ZNF814: variants seen among roughly 807,000 people sequenced by gnomAD.
The protein encoded by ZNF814 is zinc finger protein 814.
Under a neutral mutation model 7.5 loss-of-function variants are expected in ZNF814, and 5 were observed. That is an observed-to-expected ratio of 0.67 (90% CI 0.35 to 1.40). ZNF814 has a LOEUF of 1.40. ZNF814 is among the 40% of genes most tolerant of loss of function. ZNF814 has a pLI of 0.04. For synonymous variants in ZNF814, 315 were observed against 340.7 expected (o/e 0.92, Z 0.83); for missense variants, 962 against 1,018.0 (o/e 0.94, Z 0.75).
chr19:57,901,417 A>G, the ZNF814 span, among the ~76,000 whole-genome samples: 2 of 152,220 alleles, frequency 1.3e-5, no homozygotes, highest in South Asian at 2.1e-4. Flanking sequence ...CAAGATATAC[A>G]GTGGAGGGAT....
chr19:57,888,940 G>GCTGCACA lies in ZNF814; in HGVS notation c.-139_-138insTGTGCAG. ...AGCTCCAGAGTAGCCTCTGTGCAGC[G>GCTGCACA]GAGGACAACTGCTCCCCGACTTCTG... On this transcript the variant is annotated 5_prime_UTR_variant, in exon 1 of 3. Transcript: ENST00000435989. The GCTGCACA allele has an allele frequency of 1.1e-6, 1 of 899,590 alleles. No individual in the cohort carries two copies. Among genetic ancestry groups the GCTGCACA allele is most frequent in the Non-Finnish European group, 1.7e-6 (1 of 583,994 alleles). 55.7% of individuals were successfully genotyped at this position (899,590 alleles called of 1,614,324 possible). A position where few individuals can be genotyped will look rare whatever the true frequency, so the allele number is the denominator to read the frequency against.
intron 1 of ZNF814, among the ~76,000 whole-genome samples, chr19:57,888,014 A>C (rs529960285): frequency 6.6e-6 from 1 of 152,254 alleles, no homozygotes; most frequent in South Asian, 2.1e-4. Context: ...TCCTAAACCA[A>C]AGTATAAAAG....
chr19:57,888,948 A>G lies in ZNF814; in HGVS notation c.-146T>C. The stretch of plus-strand genomic sequence containing the variant: ...AGTAGCCTCTGTGCAGCGGAGGACA[A>G]CTGCTCCCCGACTTCTGGGTTCAGT... On this transcript the variant is annotated 5_prime_UTR_variant, in exon 1 of 3. Coordinates refer to ENST00000435989, the MANE Select transcript of ZNF814 (RefSeq NM_001144989.2). 1.2e-6 allele frequency: 1 copy of G among 830,156 alleles called. No individual in the cohort carries two copies. The allele number at this position is 830,156 out of a possible 1,614,324, so 51.4% of individuals were successfully genotyped here. A position where few individuals can be genotyped will look rare whatever the true frequency, so the allele number is the denominator to read the frequency against.
At chr19:57,894,059 G>A (rs2122484578), upstream of ZNF814, among the ~76,000 whole-genome samples, 1 of 151,546 alleles carries the variant, frequency 6.6e-6, no homozygotes, top group African/African-American at 2.4e-5. Context: ...CTCCAGCCTG[G>A]GTGACAGAGC....
chr19:57,897,655 T>G, the ZNF814 span, among the ~76,000 whole-genome samples: 1 of 152,188 alleles, frequency 6.6e-6, no homozygotes, highest in African/African-American at 2.4e-5. Context: ...AGTGCTGCCA[T>G]GTATCTCTGC....
In ZNF814 at chr19:57,873,924, T is replaced by G. The variant is rs779479859; in HGVS notation, c.1466A>C (p.Glu489Ala). The change falls in exon 3 of 3, where the codon GAA becomes GCA. Residue 489 changes from glutamate (E) to alanine (A), a missense_variant. Physicochemically the swap from Glu to Ala is moderately radical, Grantham distance 107. This residue lies in a region of ZNF814 where 665 missense variants were observed against 551.4 expected (regional missense o/e 1.21). Coordinates refer to ENST00000435989, the MANE Select transcript of ZNF814 (RefSeq NM_001144989.2). ...ACATTCTCCACACTGATAAGGTCTT[T>G]CTCCACTGTGAACTCGCTGATGGTG... ...LVHHQRVHSG[E>A]RPYQCGECGK... The G allele has an allele frequency of 6.2e-7, 1 of 1,613,828 alleles. No individual in the cohort carries two copies. Among genetic ancestry groups the G allele is most frequent in the Admixed American group, 1.7e-5 (1 of 59,932 alleles).
chr19:57,891,569 A>G (rs565866786), upstream of ZNF814, among the ~76,000 whole-genome samples: 1 of 145,734 alleles, frequency 6.9e-6, no homozygotes, highest in South Asian at 2.2e-4. Context: ...ATGGGCAGCC[A>G]TGCCAGGCAT....
At chr19:57,887,677 A>C (rs2071703914) in intron 1 of ZNF814, among the ~76,000 whole-genome samples, 1 of 151,414 alleles carries the variant, frequency 6.6e-6, no homozygotes, top group Non-Finnish European at 1.5e-5. Flanking sequence ...CTCCTTACCC[A>C]CCCCCCTTTC....
chr19:57,887,574 A>T (rs1600140980), intron 1 of ZNF814, among the ~76,000 whole-genome samples: 1 of 152,020 alleles, frequency 6.6e-6, no homozygotes, highest in African/African-American at 2.4e-5. Flanking sequence ...TCTCTTAATC[A>T]CCTAGCCTCG....
chr19:57,903,958 G>C, the ZNF814 span, among the ~76,000 whole-genome samples: 1 of 152,244 alleles, frequency 6.6e-6, no homozygotes, highest in African/African-American at 2.4e-5. Flanking sequence ...ATGACCTTTG[G>C]AACACCAAAC....
chr19:57,902,806 G>A, the ZNF814 span, among the ~76,000 whole-genome samples: 6,761 of 151,648 alleles, frequency 0.045, 504 homozygotes, highest in African/African-American at 0.15. Flanking sequence ...GACTACAGGC[G>A]CCCACCACCA....
the ZNF814 span, among the ~76,000 whole-genome samples, chr19:57,897,503 C>T: frequency 6.6e-6 from 1 of 152,310 alleles, no homozygotes; most frequent in South Asian, 2.1e-4. Flanking sequence ...AAGACAGTGT[C>T]ATTCTAAATT....
In ZNF814 at chr19:57,879,811, G is replaced by A. The variant is rs944290012; in HGVS notation, c.37-2769C>T. 1.6e-5 allele frequency among the ~76,000 whole-genome samples: 2 copies of A among 127,180 alleles called. 1 individual carries two copies. Among genetic ancestry groups the A allele is most frequent in the Non-Finnish European group, 3.4e-5 (2 of 59,694 alleles). 83.4% of individuals were successfully genotyped at this position (127,180 alleles called of 152,430 possible). On this transcript the variant is annotated intron_variant, in intron 1 of 2. Transcript: ENST00000435989. ...TGCTAAGGCCAAAAACCCTAGGGTT[G>A]CCAGGCACGGTGGCTCGAGTCTGTA...
chr19:57,873,005 A>C lies in ZNF814; in HGVS notation c.2385T>G (p.Thr795=), dbSNP rs2071569227. The C allele has an allele frequency of 1.9e-6, 3 of 1,613,958 alleles. No individual in the cohort carries two copies. Among genetic ancestry groups the C allele is most frequent in the East Asian group, 2.2e-5 (1 of 44,882 alleles). ...CACTGCACTCATAAGGCTTTTCTCC[A>C]GTGTGAACTCTTTTGTGTTTTGTGA... ...SSFTKHKRVH[T]GEKPYECSEC... is the part of the protein sequence containing the mutation. The change falls in exon 3 of 3, where the codon ACT becomes ACG. Residue 795 remains threonine, a synonymous_variant. Coordinates refer to ENST00000435989, the MANE Select transcript of ZNF814 (RefSeq NM_001144989.2).
intron 1 of ZNF814, among the ~76,000 whole-genome samples, chr19:57,884,683 C>T (rs2071675019): frequency 6.6e-6 from 1 of 152,124 alleles, no homozygotes; most frequent in South Asian, 2.1e-4. Flanking sequence ...TGCTCAACAT[C>T]ACTGGTCATA....
In ZNF814 at chr19:57,874,746, C is replaced by A; in HGVS notation, c.644G>T (p.Ser215Ile). ...SPIQCGGAHY[S>I]CGESMKHFST... Reference sequence around the variant, plus strand: ...AAAATGTTTCATGGATTCTCCACAGCTGTAGTGAGCTCCCCCACACTGAAT... The same window carrying A: ...AAAATGTTTCATGGATTCTCCACAGATGTAGTGAGCTCCCCCACACTGAAT... Residue 215 changes from serine to isoleucine, a missense_variant, in exon 3 of 3, where the codon AGC (serine) becomes ATC (isoleucine). By Grantham distance (142) the Ser-to-Ile change is moderately radical. Coordinates refer to ENST00000435989, the MANE Select transcript of ZNF814 (RefSeq NM_001144989.2). 3 of 1,612,158 alleles carry A rather than the reference C, an allele frequency of 1.9e-6. No individual in the cohort carries two copies. In the South Asian group the frequency reaches 3.3e-5, roughly 18 times the overall value.
chr19:57,894,209 C>A, the ZNF814 span, among the ~76,000 whole-genome samples: 1 of 151,012 alleles, frequency 6.6e-6, no homozygotes, highest in African/African-American at 2.4e-5. Context: ...CCCGTCTCTA[C>A]TAAAAATACA....
chr19:57,899,464 C>T, the ZNF814 span, among the ~76,000 whole-genome samples: 1 of 152,080 alleles, frequency 6.6e-6, no homozygotes, highest in Non-Finnish European at 1.5e-5. Context: ...TACTAAGTCT[C>T]GAAAGGTTCA....
At chr19:57,893,789 G>A (rs1426269195), upstream of ZNF814, among the ~76,000 whole-genome samples, 1 of 151,740 alleles carries the variant, frequency 6.6e-6, no homozygotes, top group African/African-American at 2.4e-5. Flanking sequence ...GTGTGGTGGT[G>A]CATGCATGTA....
Sources: gnomAD v4.1 joint callset for allele counts (sites outside exome capture counted in the v4.1 genomes callset) on GRCh38, gnomAD v4.1.1 for gene constraint, gnomAD v4.1.1 regional missense constraint, MANE v1.5 for transcripts, NCBI Gene and HGNC (gene_info 2026-07-23, HGNC 2026-07-21) for gene names.